MAML2: variants seen among roughly 807,000 people sequenced by gnomAD.
MAML2 encodes the protein mastermind-like protein 2.
Under a neutral mutation model 96.1 loss-of-function variants are expected in MAML2, and 22 were observed. The observed-to-expected ratio is 0.23, with a 90% CI of 0.16 to 0.33. The LOEUF (loss-of-function observed/expected upper bound fraction) is 0.33, where lower values mean the gene tolerates loss of function less well. Ranked by LOEUF, MAML2 falls within the 10% of genes least tolerant of loss-of-function variation. MAML2 has a pLI of 1.00. For missense variants in MAML2, 1,367 were observed against 1,392.4 expected (o/e 0.98, Z 0.29); for synonymous variants, 561 against 521.3 (o/e 1.08, Z -1.04).
intron 1 of MAML2, among the ~76,000 whole-genome samples, chr11:96,169,893 T>C (rs938138040): frequency 2.0e-5 from 3 of 152,240 alleles, no homozygotes; most frequent in Non-Finnish European, 1.5e-5. Context: ...GACCTCGTGA[T>C]CTGCCCGTCT....
intron 1 of MAML2, among the ~76,000 whole-genome samples, chr11:96,320,280 A>T (rs1863683335): frequency 6.6e-6 from 1 of 152,258 alleles, no homozygotes; most frequent in Admixed American, 6.5e-5. Flanking sequence ...AATGAAGTAC[A>T]GTCAGGGGTC....
chr11:95,999,035 GT>G (rs1431383198), intron 2 of MAML2, among the ~76,000 whole-genome samples: 2 of 152,096 alleles, frequency 1.3e-5, no homozygotes, highest in African/African-American at 4.8e-5. Context: ...TGTTAATTGT[GT>G]TTCTCTCAAA....
intron 1 of MAML2, among the ~76,000 whole-genome samples, chr11:96,236,751 T>C (rs1220986522): frequency 6.6e-6 from 1 of 152,208 alleles, no homozygotes; most frequent in Non-Finnish European, 1.5e-5. Context: ...ATAACATTGA[T>C]ATCTGGATGT....
At chr11:96,271,020 C>T (rs1361415403) in intron 1 of MAML2, among the ~76,000 whole-genome samples, 1 of 152,124 alleles carries the variant, frequency 6.6e-6, no homozygotes, top group Non-Finnish European at 1.5e-5. Flanking sequence ...TGCTTCCTGC[C>T]CTCGAACATC....
chr11:96,081,048 G>C (rs1247076389), intron 2 of MAML2, among the ~76,000 whole-genome samples: 1 of 152,084 alleles, frequency 6.6e-6, no homozygotes, highest in African/African-American at 2.4e-5. Flanking sequence ...CTACAACACT[G>C]GTTTGCAAAC....
At chr11:96,188,306 T>C (rs898547044) in intron 1 of MAML2, among the ~76,000 whole-genome samples, 6 of 152,248 alleles carry the variant, frequency 3.9e-5, no homozygotes, top group African/African-American at 1.4e-4. Context: ...TTTCAGATTT[T>C]AAAACTGCTT....
intron 1 of MAML2, among the ~76,000 whole-genome samples, chr11:96,335,040 T>A (rs541991236): frequency 2.0e-5 from 3 of 152,226 alleles, no homozygotes; most frequent in Non-Finnish European, 4.4e-5. Context: ...ACCGTCAGCA[T>A]CCAAGCATCA....
In MAML2 at chr11:96,300,719, G is replaced by T. The variant is rs534571789; in HGVS notation, c.513+40664C>A. On this transcript the variant is annotated intron_variant, in intron 1 of 4. Transcript: ENST00000524717. ...AGATAAGCTATTGGAAGAAAGGGAG[G>T]ATCCCTGTATCGCATGACATCCTCA... Among the ~76,000 whole-genome samples, 103 of 152,270 alleles carry T rather than the reference G, an allele frequency of 6.8e-4. 1 individual carries two copies. The highest frequency in any genetic ancestry group is 2.1e-3 in the African/African-American group (86 of 41,542).
Position 96,092,681 on chromosome 11 carries a change from C to T in MAML2, c.1350G>A (p.Gln450=). The T allele has an allele frequency of 1.2e-6, 2 of 1,613,988 alleles. No individual in the cohort carries two copies. The highest frequency in any genetic ancestry group is 1.7e-6 in the Non-Finnish European group (2 of 1,179,904). ...TAGGCTGGTGCTGCTGCTGGTGCTG[C>T]TGCATCCGGGCATGCTGCTGACGAT... ...AANRQQHARM[Q]QHQQQHQPTN... is the part of the protein sequence containing the mutation. The change falls in exon 2 of 5, where the codon CAG becomes CAA. Residue 450 remains glutamine (Q), a synonymous_variant. Transcript: ENST00000524717. This position sits in a 1 kb window ranked among gnomAD's most constrained non-coding sequence, Gnocchi z 4.1.
chr11:96,003,708 C>T (rs1203354222), intron 2 of MAML2, among the ~76,000 whole-genome samples: 2 of 152,042 alleles, frequency 1.3e-5, no homozygotes, highest in Non-Finnish European at 2.9e-5. Context: ...AGTGAAGTAT[C>T]TGGTATACAA....
chr11:96,318,972 C>A (rs1349544791), intron 1 of MAML2, among the ~76,000 whole-genome samples: 1 of 152,204 alleles, frequency 6.6e-6, no homozygotes, highest in Non-Finnish European at 1.5e-5. Context: ...GTGTAGTCTT[C>A]TCCCACACTG....
chr11:96,186,143 A>G (rs2093353670), intron 1 of MAML2, among the ~76,000 whole-genome samples: 1 of 152,254 alleles, frequency 6.6e-6, no homozygotes, highest in Non-Finnish European at 1.5e-5. Context: ...ATACCTGCAC[A>G]CTAGAGGAAA....
At position 96,259,023 on chromosome 11, in the gene MAML2, G is replaced by A. The variant is rs529330447; in HGVS notation, c.513+82360C>T. On this transcript the variant is annotated intron_variant, in intron 1 of 4. Coordinates refer to ENST00000524717, the MANE Select transcript of MAML2 (RefSeq NM_032427.4). ...TTTACGAAAACACTAACTCTGTTCAGAACTCTTTCAAAGGGTGAAGACAAA... is the reference window on the plus strand; with the variant it reads ...TTTACGAAAACACTAACTCTGTTCAAAACTCTTTCAAAGGGTGAAGACAAA... Among the ~76,000 whole-genome samples, 4 of 152,166 alleles carry A rather than the reference G, an allele frequency of 2.6e-5. No homozygotes were observed. The East Asian group carries it at 7.7e-4, about 29-fold the overall frequency.
intron 1 of MAML2, among the ~76,000 whole-genome samples, chr11:96,249,032 C>A (rs948938203): frequency 1.3e-5 from 2 of 152,158 alleles, no homozygotes; most frequent in Non-Finnish European, 1.5e-5. Context: ...GCCAGTTTAC[C>A]AGGACACCAC....
chr11:96,254,483 T>C (rs1862633975), intron 1 of MAML2, among the ~76,000 whole-genome samples: 1 of 151,872 alleles, frequency 6.6e-6, no homozygotes, highest in Non-Finnish European at 1.5e-5. Flanking sequence ...CTTTGGGATC[T>C]TTTTTACCTA....
chr11:96,029,533 AT>A (rs1367002882), intron 2 of MAML2, among the ~76,000 whole-genome samples: 1 of 152,146 alleles, frequency 6.6e-6, no homozygotes, highest in Admixed American at 6.5e-5. Context: ...TGTGAACAAA[AT>A]TTTTAGAGGA....
intron 1 of MAML2, among the ~76,000 whole-genome samples, chr11:96,336,775 T>C (rs1007991127): frequency 6.6e-6 from 1 of 152,238 alleles, no homozygotes; most frequent in South Asian, 2.1e-4. Context: ...CTTTTAGTCA[T>C]ATTTAAATTG....
chr11:96,074,677 A>C (rs534013514), intron 2 of MAML2, among the ~76,000 whole-genome samples: 2 of 152,352 alleles, frequency 1.3e-5, no homozygotes, highest in East Asian at 3.9e-4. Flanking sequence ...CTGTGAGAGG[A>C]ATAAAAGGAG....
At chr11:96,123,214 C>A (rs1177886424) in intron 1 of MAML2, among the ~76,000 whole-genome samples, 1 of 152,180 alleles carries the variant, frequency 6.6e-6, no homozygotes, top group African/African-American at 2.4e-5. Context: ...AGCTCCTAAG[C>A]AGCCCCGTAA....
Sources: allele counts gnomAD v4.1 joint callset (sites outside exome capture counted in the v4.1 genomes callset), GRCh38; gene constraint gnomAD v4.1.1; non-coding constraint Gnocchi (gnomAD v3.1); transcripts MANE v1.5; gene names NCBI Gene and HGNC (gene_info 2026-07-23, HGNC 2026-07-21).